Variants in ENTPD1 observed in about 807,000 individuals in gnomAD.
The protein encoded by ENTPD1 is ATP diphosphohydrolase.
ENTPD1 carries 33 observed loss-of-function variants against 57.0 expected under a neutral mutation model. That is an observed-to-expected ratio of 0.58 (90% CI 0.44 to 0.77). The LOEUF is 0.77. Ranked by LOEUF, ENTPD1 falls within the 30% of genes least tolerant of loss-of-function variation. The probability of loss-of-function intolerance (pLI) is 0.00; values close to 1 mark genes in which losing one functional copy is unlikely to be tolerated. For missense variants in ENTPD1, 501 were observed against 603.4 expected (o/e 0.83, Z 1.78); for synonymous variants, 202 against 218.8 (o/e 0.92, Z 0.68).
chr10:95,736,999 C>T (rs2097995343), intron 1 of ENTPD1, among the ~76,000 whole-genome samples: 1 of 152,182 alleles, frequency 6.6e-6, no homozygotes, highest in Admixed American at 6.5e-5. Flanking sequence ...GAAAGAGAGC[C>T]TCCACTTGAG....
At chr10:95,743,907 G>A (rs1350744825) in intron 1 of ENTPD1, among the ~76,000 whole-genome samples, 1 of 150,440 alleles carries the variant, frequency 6.6e-6, no homozygotes, top group Non-Finnish European at 1.5e-5. Flanking sequence ...ACAAAAATCT[G>A]GGGGTTAGAT....
chr10:95,839,696 G>T lies in ENTPD1; in HGVS notation c.150G>T (p.Gly50=), dbSNP rs1411639802. 1.2e-6 allele frequency: 2 copies of T among 1,613,998 alleles called. No homozygotes were observed. The highest frequency in any genetic ancestry group is 1.7e-6 in the Non-Finnish European group (2 of 1,180,016). Residue 50 remains glycine, a synonymous_variant, in exon 3 of 10, where the codon GGG becomes GGT. Transcript: ENST00000371205. ...NKALPENVKY[G]IVLDAGSSHT... ...TTGGTCTGTGTTGCTTTCAGTATGG[G>T]ATTGTGCTGGATGCGGGTTCTTCTC...
At chr10:95,840,921 G>A (rs556472108) in intron 3 of ENTPD1, among the ~76,000 whole-genome samples, 21 of 152,194 alleles carry the variant, frequency 1.4e-4, no homozygotes, top group African/African-American at 4.8e-5. Flanking sequence ...TTCACAGGTC[G>A]TCAAGAAAGT....
intron 1 of ENTPD1, among the ~76,000 whole-genome samples, chr10:95,717,397 C>T (rs974762336): frequency 1.4e-5 from 2 of 148,050 alleles, no homozygotes; most frequent in Non-Finnish European, 3.0e-5. Context: ...ACAGAGCTCC[C>T]ATAAAATGGG....
At chr10:95,712,079 C>A in intron 1 of ENTPD1, 1 of 1,582,796 alleles carries the variant, frequency 6.3e-7, no homozygotes, top group Non-Finnish European at 8.7e-7. Flanking sequence ...CTGTTTGTCT[C>A]ATTTTCATCT....
chr10:95,756,230 G>T lies in ENTPD1; in HGVS notation c.-10G>T. ...ACGAGGAAAGAGGAGGAAAACAAAA[G>T]CTGCTACTTATGGAAGATACAAAGG... On this transcript the variant is annotated 5_prime_UTR_variant, in exon 1 of 10. Coordinates refer to ENST00000371205, the MANE Select transcript of ENTPD1 (RefSeq NM_001776.6). The T allele has an allele frequency of 6.3e-7, 1 of 1,595,018 alleles. No individual in the cohort carries two copies.
intron 1 of ENTPD1, among the ~76,000 whole-genome samples, chr10:95,820,785 A>C (rs893608179): frequency 6.6e-6 from 1 of 152,152 alleles, no homozygotes; most frequent in Non-Finnish European, 1.5e-5. Flanking sequence ...TCACCTATTT[A>C]TGTGCTTCTT....
At chr10:95,746,330 TA>T (rs1169877959) in intron 1 of ENTPD1, among the ~76,000 whole-genome samples, 2 of 151,820 alleles carry the variant, frequency 1.3e-5, no homozygotes, top group Non-Finnish European at 2.9e-5. Flanking sequence ...TGAAGTAGAT[TA>T]AAAAAAAGAC....
chr10:95,726,223 T>C, intron 1 of ENTPD1, among the ~76,000 whole-genome samples: 1 of 152,352 alleles, frequency 6.6e-6, no homozygotes, highest in Middle Eastern at 3.4e-3. Flanking sequence ...CACTTTACCC[T>C]CTTCTATTTA....
chr10:95,735,652 A>G (rs1182705047), intron 1 of ENTPD1, among the ~76,000 whole-genome samples: 2 of 151,798 alleles, frequency 1.3e-5, no homozygotes, highest in African/African-American at 4.8e-5. Context: ...CTGGAGTGCA[A>G]TGGTGCGATC....
chr10:95,840,471 T>C (rs1436012491), intron 3 of ENTPD1, among the ~76,000 whole-genome samples: 1 of 152,228 alleles, frequency 6.6e-6, no homozygotes, highest in Non-Finnish European at 1.5e-5. Flanking sequence ...TTTTCAAAGC[T>C]TTCAGCTTCT....
At chr10:95,809,438 C>T (rs554403511) in intron 1 of ENTPD1, among the ~76,000 whole-genome samples, 72 of 141,932 alleles carry the variant, frequency 5.1e-4, no homozygotes, top group African/African-American at 1.2e-3. Context: ...ACCTCCCAGA[C>T]GGGGCGGCCG....
intron 1 of ENTPD1, among the ~76,000 whole-genome samples, chr10:95,811,546 C>T (rs1046167507): frequency 6.6e-6 from 1 of 152,160 alleles, no homozygotes; most frequent in Non-Finnish European, 1.5e-5. Flanking sequence ...CGCCACCATA[C>T]CTGGATAATT....
chr10:95,851,035 T>A (rs2098444064), intron 7 of ENTPD1, among the ~76,000 whole-genome samples: 1 of 152,196 alleles, frequency 6.6e-6, no homozygotes, highest in Non-Finnish European at 1.5e-5. Flanking sequence ...TCCAATGTTG[T>A]GGGCAAATTA....
At chr10:95,861,880 C>T (rs2098465975) in intron 8 of ENTPD1, among the ~76,000 whole-genome samples, 1 of 152,066 alleles carries the variant, frequency 6.6e-6, no homozygotes, top group Non-Finnish European at 1.5e-5. Flanking sequence ...CCTGTAGTCC[C>T]AGCTACTTGG....
chr10:95,772,283 T>C (rs2098118347), intron 1 of ENTPD1, among the ~76,000 whole-genome samples: 1 of 152,220 alleles, frequency 6.6e-6, no homozygotes, highest in African/African-American at 2.4e-5. Context: ...GACTCTTCCT[T>C]TCGTGACAGA....
At chr10:95,721,986 T>G (rs1004404654) in intron 1 of ENTPD1, among the ~76,000 whole-genome samples, 2 of 152,184 alleles carry the variant, frequency 1.3e-5, no homozygotes, top group Admixed American at 6.5e-5. Context: ...CCTGAGTATT[T>G]CATAACAACC....
rs185015166 is a variant in ENTPD1 at position 95,746,563 on chromosome 10, T to A, written c.37+34570T>A. ...ATTTTTTATAATTGGGCCAAGTGATTATAGTGTGCAGCTGAAGTTGAGAAC... is the reference window on the plus strand; with the variant it reads ...ATTTTTTATAATTGGGCCAAGTGATAATAGTGTGCAGCTGAAGTTGAGAAC... On this transcript the variant is annotated intron_variant, in intron 1 of 9. Coordinates refer to the ENTPD1 transcript ENST00000453258. 5.9e-5 allele frequency among the ~76,000 whole-genome samples: 9 copies of A among 152,286 alleles called. No homozygotes were observed. The East Asian group carries it at 1.7e-3, about 29-fold the overall frequency.
At chr10:95,806,077 G>C (rs1418794702) in intron 1 of ENTPD1, among the ~76,000 whole-genome samples, 1 of 152,242 alleles carries the variant, frequency 6.6e-6, no homozygotes, top group Non-Finnish European at 1.5e-5. Context: ...ATAATATCCT[G>C]AAGAGTGTTT....
Sources: gnomAD v4.1 joint callset for allele counts (sites outside exome capture counted in the v4.1 genomes callset) on GRCh38, gnomAD v4.1.1 for gene constraint, MANE v1.5 for transcripts, NCBI Gene and HGNC (gene_info 2026-07-23, HGNC 2026-07-21) for gene names.